BICC1: variants seen among roughly 807,000 people sequenced by gnomAD.
BICC1 encodes protein bicaudal C homolog 1.
BICC1 carries 43 observed loss-of-function variants against 111.0 expected under a neutral mutation model. The ratio of observed to expected loss-of-function variants is 0.39; its 90% CI spans 0.30 to 0.50. The LOEUF (loss-of-function observed/expected upper bound fraction) is 0.50, where lower values mean the gene tolerates loss of function less well. Ranked by LOEUF, BICC1 falls within the 20% of genes least tolerant of loss-of-function variation. The probability of loss-of-function intolerance (pLI) is 0.88; values close to 1 mark genes in which losing one functional copy is unlikely to be tolerated. For missense variants in BICC1, 1,091 were observed against 1,203.2 expected, an observed-to-expected ratio of 0.91 and a Z score of 1.38; for synonymous variants, 467 against 434.4, an observed-to-expected ratio of 1.07 and a Z score of -0.93.
intron 3 of BICC1, among the ~76,000 whole-genome samples, chr10:58,740,974 A>G (rs191380647): frequency 2.0e-5 from 3 of 152,320 alleles, no homozygotes; most frequent in Non-Finnish European, 4.4e-5. Flanking sequence ...AGAGATTACA[A>G]TGTGAACGCT....
At chr10:58,796,014 C>T (rs988345178) in intron 9 of BICC1, among the ~76,000 whole-genome samples, 1 of 152,146 alleles carries the variant, frequency 6.6e-6, no homozygotes, top group Non-Finnish European at 1.5e-5. Flanking sequence ...TTGACCTGGG[C>T]TAAGTCCCTT....
intron 15 of BICC1, among the ~76,000 whole-genome samples, chr10:58,805,724 T>C (rs1481771028): frequency 6.6e-6 from 1 of 152,234 alleles, no homozygotes; most frequent in East Asian, 1.9e-4. Flanking sequence ...TATATGATGG[T>C]ATAGTCTTTC....
intron 2 of BICC1, among the ~76,000 whole-genome samples, chr10:58,635,170 T>G (rs992676464): frequency 6.6e-5 from 10 of 152,268 alleles, no homozygotes; most frequent in African/African-American, 2.4e-4. Flanking sequence ...GAGATACTAG[T>G]TCTGCACTAT....
At chr10:58,654,068 A>G (rs1838544007) in intron 2 of BICC1, among the ~76,000 whole-genome samples, 1 of 143,052 alleles carries the variant, frequency 7.0e-6, no homozygotes, top group African/African-American at 2.6e-5. Flanking sequence ...CATTTTCTTA[A>G]TCCAGTCTAT....
intron 3 of BICC1, among the ~76,000 whole-genome samples, chr10:58,709,724 T>C (rs1450341809): frequency 5.3e-5 from 8 of 152,240 alleles, no homozygotes; most frequent in Admixed American, 1.3e-4. Context: ...ACTACTGATA[T>C]CTTCCCTATA....
At position 58,638,772 on chromosome 10, in the gene BICC1, T is replaced by C. The variant is rs533367984; in HGVS notation, c.237+17871T>C. ...CGGCACTGGGTATCTCTTCAAGGCC[T>C]CTGGTTCCGTTATTCGTCAAAGGAG... On this transcript the variant is annotated intron_variant, in intron 2 of 20. Coordinates refer to ENST00000373886, the MANE Select transcript of BICC1 (RefSeq NM_001080512.3). Among the ~76,000 whole-genome samples the C allele has an allele frequency of 1.1e-3, 160 of 152,306 alleles. 1 individual carries two copies. Among genetic ancestry groups the C allele is most frequent in the Admixed American group, 5.5e-3 (84 of 15,298 alleles).
chr10:58,814,035 G>C lies in BICC1; in HGVS notation c.2533+49G>C. 5 of 1,603,272 alleles carry C rather than the reference G, an allele frequency of 3.1e-6. No homozygotes were observed. The South Asian group carries it at 3.3e-5, about 11-fold the overall frequency. On this transcript the variant is annotated intron_variant, in intron 18 of 20. Transcript: ENST00000373886. Reference sequence around the variant, plus strand: ...CTTTTAGGTATCCCCAGATTAGAATGTGTTTATTTGGGTTGGAGTATCACT... The same window carrying C: ...CTTTTAGGTATCCCCAGATTAGAATCTGTTTATTTGGGTTGGAGTATCACT...
intron 3 of BICC1, among the ~76,000 whole-genome samples, chr10:58,710,438 A>C (rs1282802100): frequency 6.7e-6 from 1 of 149,578 alleles, no homozygotes; most frequent in Non-Finnish European, 1.5e-5. Flanking sequence ...TGCAGATTAC[A>C]GAGATTACAG....
intron 2 of BICC1, among the ~76,000 whole-genome samples, chr10:58,646,493 C>T (rs1035049965): frequency 6.6e-6 from 1 of 152,118 alleles, no homozygotes; most frequent in Non-Finnish European, 1.5e-5. Context: ...GTCTTGCAGG[C>T]TGTCTGCATT....
intron 2 of BICC1, among the ~76,000 whole-genome samples, chr10:58,652,292 G>A (rs1342704310): frequency 3.3e-5 from 5 of 152,060 alleles, no homozygotes; most frequent in Admixed American, 2.0e-4. Flanking sequence ...AAAAATTTGG[G>A]AATCCTGAGT....
intron 1 of BICC1, among the ~76,000 whole-genome samples, chr10:58,612,005 G>A (rs1418846911): frequency 2.6e-5 from 4 of 152,156 alleles, no homozygotes; most frequent in African/African-American, 9.6e-5. Flanking sequence ...TTTACAGGCA[G>A]GTGAATTTGA....
At chr10:58,623,464 G>C (rs1364822349) in intron 2 of BICC1, among the ~76,000 whole-genome samples, 1 of 152,076 alleles carries the variant, frequency 6.6e-6, no homozygotes, top group Non-Finnish European at 1.5e-5. Context: ...GGTTTGAAAT[G>C]ATATATTTCC....
rs558214153 is a variant in BICC1 at position 58,760,930 on chromosome 10, G to C, written c.308-24071G>C. Among the ~76,000 whole-genome samples, 4 of 152,240 alleles carry C rather than the reference G, an allele frequency of 2.6e-5. No homozygotes were observed. In the South Asian group the frequency reaches 8.3e-4, roughly 32 times the overall value. On this transcript the variant is annotated intron_variant, in intron 3 of 20. Coordinates refer to ENST00000373886, the MANE Select transcript of BICC1 (RefSeq NM_001080512.3). ...GAGGCAGTAAAATGCCAGAATCAGA[G>C]GACCCCAAAGGGTGTTCTCTAGACA... is the stretch of plus-strand genomic sequence containing the variant.
intron 3 of BICC1, among the ~76,000 whole-genome samples, chr10:58,733,501 T>C (rs1841380636): frequency 6.6e-6 from 1 of 152,252 alleles, no homozygotes; most frequent in Non-Finnish European, 1.5e-5. Flanking sequence ...CCAATACATT[T>C]CTGTGGAAAT....
intron 2 of BICC1, among the ~76,000 whole-genome samples, chr10:58,633,021 C>A (rs956398611): frequency 2.0e-5 from 3 of 152,178 alleles, no homozygotes; most frequent in Non-Finnish European, 4.4e-5. Flanking sequence ...TGTGTTCCCA[C>A]CCAAATCTCA....
intron 3 of BICC1, among the ~76,000 whole-genome samples, chr10:58,766,954 G>C (rs1473198130): frequency 1.3e-5 from 2 of 151,548 alleles, no homozygotes; most frequent in African/African-American, 2.4e-5. Context: ...GGTGGGGATG[G>C]GGGTGGCGGA....
At chr10:58,823,735 T>G in intron 20 of BICC1, 1 of 985,342 alleles carries the variant, frequency 1.0e-6, no homozygotes, top group African/African-American at 1.7e-5. Flanking sequence ...TATTCCCCCG[T>G]GAGAAAATGG....
At chr10:58,733,756 G>A (rs1217244855) in intron 3 of BICC1, among the ~76,000 whole-genome samples, 2 of 152,202 alleles carry the variant, frequency 1.3e-5, no homozygotes, top group East Asian at 1.9e-4. Flanking sequence ...CATCATAAAT[G>A]CATTGCTGGT....
intron 2 of BICC1, among the ~76,000 whole-genome samples, chr10:58,657,612 T>TA (rs1838700281): frequency 1.3e-5 from 2 of 152,200 alleles, no homozygotes; most frequent in Non-Finnish European, 2.9e-5. Flanking sequence ...CTTGCTTAGT[T>TA]AATGTATTTT....
Sources: gnomAD v4.1 joint callset for allele counts (sites outside exome capture counted in the v4.1 genomes callset) on GRCh38, gnomAD v4.1.1 for gene constraint, MANE v1.5 for transcripts, NCBI Gene and HGNC (gene_info 2026-07-23, HGNC 2026-07-21) for gene names.